The following MCF2L variants were observed in gnomAD, a reference collection of about 807,000 sequenced individuals.
MCF2L encodes guanine nucleotide exchange factor DBS.
A neutral mutation model predicts 153.4 loss-of-function variants in MCF2L; 97 were observed. The observed-to-expected ratio is 0.63, with a 90% CI of 0.54 to 0.75. MCF2L has a LOEUF of 0.75. Among genes scored for constraint, MCF2L ranks in the 30% least tolerant of loss-of-function variants. MCF2L has a pLI of 0.00. For synonymous variants in MCF2L, 659 were observed against 632.2 expected (o/e 1.04, Z -0.64); for missense variants, 1,347 against 1,495.2 (o/e 0.90, Z 1.64).
Position 113,011,373 on chromosome 13 carries a change from A to G in MCF2L, c.80-3390A>G, listed in dbSNP as rs138921673. On this transcript the variant is annotated intron_variant, in intron 1 of 29. Coordinates refer to ENST00000535094, the MANE Select transcript of MCF2L (RefSeq NM_001112732.3). ...GTCCTGGCCCAGAGAGTCCAGAGGC[A>G]CTGCGGGCTGCCAGCAGGTAGACAG... 3.1e-4 allele frequency among the ~76,000 whole-genome samples: 48 copies of G among 152,398 alleles called. No individual in the cohort carries two copies. In the East Asian group the frequency reaches 9.2e-3, roughly 29 times the overall value.
chr13:112,909,410 T>G, intron 2 of MCF2L: 2 of 734,048 alleles, frequency 2.7e-6, no homozygotes, highest in Non-Finnish European at 5.0e-6. Context: ...AGGGGCTGTC[T>G]GCAGGGGTTT....
chr13:112,998,520 T>G (rs2083230964), intron 1 of MCF2L, among the ~76,000 whole-genome samples: 1 of 152,206 alleles, frequency 6.6e-6, no homozygotes, highest in East Asian at 1.9e-4. Flanking sequence ...AGGACGGGTC[T>G]GAAATCACAC....
Position 113,074,638 on chromosome 13 carries a change from A to T in MCF2L, c.1116+75A>T. The T allele has an allele frequency of 1.9e-6, 3 of 1,583,242 alleles. No homozygotes were observed. The highest frequency in any genetic ancestry group is 2.6e-6 in the Non-Finnish European group (3 of 1,157,526). Reference sequence around the variant, plus strand: ...CAAGTGCTGCTCAGGAAGGCGCAGGAATGGGCCTCCCGCCTACGGAGAACG... The same window carrying T: ...CAAGTGCTGCTCAGGAAGGCGCAGGTATGGGCCTCCCGCCTACGGAGAACG... On this transcript the variant is annotated intron_variant, in intron 10 of 29. Transcript: ENST00000535094. This position sits in a 1 kb window ranked among gnomAD's most constrained non-coding sequence, Gnocchi z 4.2.
Position 112,916,165 on chromosome 13 carries a change from G to A in MCF2L, c.169+13794G>A, listed in dbSNP as rs551821516. On this transcript the variant is annotated intron_variant, in intron 2 of 29. Transcript: ENST00000375608. ...GGAGGTTGCAGTGAGCTGAGATTGCGCCACTATACTCTAGCCTGGGGACAG... is the reference window on the plus strand; with the variant it reads ...GGAGGTTGCAGTGAGCTGAGATTGCACCACTATACTCTAGCCTGGGGACAG... Among the ~76,000 whole-genome samples, 10 of 147,820 alleles carry A rather than the reference G, an allele frequency of 6.8e-5. No individual in the cohort carries two copies. The South Asian group carries it at 1.5e-3, about 21-fold the overall frequency.
intron 12 of MCF2L, among the ~76,000 whole-genome samples, 170 bp from the exon 13 acceptor site, chr13:113,076,882 T>G (rs1260795246): frequency 1.3e-5 from 2 of 152,362 alleles, no homozygotes; most frequent in African/African-American, 4.8e-5. Context: ...CATCCCCCTC[T>G]CCGTCCGTAG....
intron 1 of MCF2L, among the ~76,000 whole-genome samples, chr13:113,011,826 A>AGG (rs2084142406): frequency 3.2e-5 from 3 of 94,916 alleles, no homozygotes; most frequent in African/African-American, 1.3e-4. Flanking sequence ...GACGGTGGAC[A>AGG]CTGTGATGCG....
chr13:113,091,825 G>A (rs369220107), intron 26 of MCF2L, among the ~76,000 whole-genome samples: 10 of 152,190 alleles, frequency 6.6e-5, no homozygotes, highest in Non-Finnish European at 1.5e-4. Flanking sequence ...GTGCAGGGAC[G>A]GGGCTCATGT....
Position 113,045,189 on chromosome 13 carries a change from C to T in MCF2L, c.279-82C>T, listed in dbSNP as rs1283595725. 6 of 1,183,114 alleles carry T rather than the reference C, an allele frequency of 5.1e-6. No homozygotes were observed. The highest frequency in any genetic ancestry group is 6.3e-6 in the Non-Finnish European group (5 of 788,130). The allele number at this position is 1,183,114 out of a possible 1,614,324, so 73.3% of individuals were successfully genotyped here. A position where few individuals can be genotyped will look rare whatever the true frequency, so the allele number is the denominator to read the frequency against. ...ATCATGAATATGGGGGATCGCTCTC[C>T]CAAGAGGTTTTCTGAGGGATTTCGT... is the stretch of plus-strand genomic sequence containing the variant. On this transcript the variant is annotated intron_variant, in intron 3 of 29. Transcript: ENST00000535094. The surrounding 1 kb of genome is among the most constrained non-coding windows in gnomAD (Gnocchi z 4.2).
At chr13:113,026,869 C>A (rs763003512) in intron 3 of MCF2L, 12 of 735,376 alleles carry the variant, frequency 1.6e-5, no homozygotes, top group South Asian at 1.2e-4. Flanking sequence ...GTCTCCCCAG[C>A]GGCGGGCAGG....
chr13:113,088,880 T>A lies in MCF2L; in HGVS notation c.2834+252T>A, dbSNP rs114367625. Among the ~76,000 whole-genome samples the A allele has an allele frequency of 7.8e-3, 1,192 of 152,308 alleles. 16 individuals carry two copies. The highest frequency in any genetic ancestry group is 0.027 in the African/African-American group (1,123 of 41,568). ...GTTCCACAGCACGGCAGTGCGCACA[T>A]GGCCTGTCCAGATCACAGCCACGCC... On this transcript the variant is annotated intron_variant, in intron 25 of 29. Transcript: ENST00000535094.
rs556164155 is a variant in MCF2L, at chr13:112,949,699, A to C, written c.169+47328A>C. On this transcript the variant is annotated intron_variant, in intron 2 of 29. Transcript: ENST00000375608. Reference sequence around the variant, plus strand: ...AACACACATTCATGATTAAAAAAAAAAACAACAAAACTCTAGGACAGATAG... The same window carrying C: ...AACACACATTCATGATTAAAAAAAACAACAACAAAACTCTAGGACAGATAG... Among the ~76,000 whole-genome samples, 19 of 152,148 alleles carry C rather than the reference A, an allele frequency of 1.2e-4. 1 individual carries two copies. In the South Asian group the frequency reaches 3.3e-3, roughly 27 times the overall value.
chr13:112,935,110 G>A (rs1361222777), intron 2 of MCF2L, among the ~76,000 whole-genome samples: 1 of 152,140 alleles, frequency 6.6e-6, no homozygotes, highest in Non-Finnish European at 1.5e-5. Context: ...ATCACAGATG[G>A]CCCTCAACTT....
At chr13:113,063,249 T>C (rs1443953280) in intron 5 of MCF2L, among the ~76,000 whole-genome samples, 3 of 152,112 alleles carry the variant, frequency 2.0e-5, no homozygotes, top group Non-Finnish European at 1.5e-5. Context: ...CACATCTGGG[T>C]CCACACAGGT....
intron 4 of MCF2L, among the ~76,000 whole-genome samples, chr13:113,050,653 C>T (rs1271926881): frequency 1.1e-5 from 1 of 87,660 alleles, no homozygotes; most frequent in Non-Finnish European, 2.4e-5. Context: ...CGGTGGGAGC[C>T]GTGGGGGCCG....
intron 2 of MCF2L, among the ~76,000 whole-genome samples, chr13:112,920,395 G>A (rs955040364): frequency 2.6e-5 from 4 of 152,156 alleles, no homozygotes; most frequent in Admixed American, 6.5e-5. Flanking sequence ...GTGCACACGC[G>A]TGTTTGTGAT....
At chr13:113,001,057 G>A (rs899300094) in intron 1 of MCF2L, among the ~76,000 whole-genome samples, 3 of 152,330 alleles carry the variant, frequency 2.0e-5, no homozygotes, top group Admixed American at 6.5e-5. Flanking sequence ...TTGGGAGCTC[G>A]TCAGGGACAG....
chr13:112,894,846 T>TG (rs553376315), intron 1 of MCF2L, among the ~76,000 whole-genome samples: 106 of 151,534 alleles, frequency 7.0e-4, no homozygotes, highest in African/African-American at 2.3e-3. Flanking sequence ...GCCAGAGCGA[T>TG]GGGGGGCCAG....
chr13:113,060,469 T>C, intron 4 of MCF2L, 124 bp from the exon 5 acceptor site: 1 of 1,081,140 alleles, frequency 9.2e-7, no homozygotes, highest in Middle Eastern at 3.0e-4. Context: ...ATAAACCTGC[T>C]GCGTTGAGGA....
chr13:113,064,373 G>A lies in MCF2L; in HGVS notation c.559G>A (p.Gly187Ser). 1 of 1,612,872 alleles carries A rather than the reference G, an allele frequency of 6.2e-7. No homozygotes were observed. The highest frequency in any genetic ancestry group is 8.5e-7 in the Non-Finnish European group (1 of 1,179,992). ...TAAGTCGCAGCTGACCGAGGACCTG[G>A]GTGGGACCCTGGACTACTGCCACTC... ...IDKSQLTEDL[G>S]GTLDYCHSRW... The change falls in exon 6 of 30, where the codon GGT becomes AGT. Residue 187 changes from glycine to serine, a missense_variant. By Grantham distance (56) the Gly-to-Ser change is moderately conservative. Transcript: ENST00000535094. This position sits in a 1 kb window ranked among gnomAD's most constrained non-coding sequence, Gnocchi z 6.0.
Sources: allele counts gnomAD v4.1 joint callset (sites outside exome capture counted in the v4.1 genomes callset), GRCh38; gene constraint gnomAD v4.1.1; non-coding constraint Gnocchi (gnomAD v3.1); transcripts MANE v1.5; gene names NCBI Gene and HGNC (gene_info 2026-07-23, HGNC 2026-07-21).